Variants in PDZRN3 observed in about 807,000 individuals in gnomAD.
The protein encoded by PDZRN3 is E3 ubiquitin-protein ligase PDZRN3.
A neutral mutation model predicts 85.7 loss-of-function variants in PDZRN3; 38 were observed. The observed-to-expected ratio is 0.44, with a 90% CI of 0.34 to 0.58. The LOEUF is 0.58. PDZRN3 is among the 20% of genes least tolerant of loss of function. The pLI, the probability that PDZRN3 is intolerant of heterozygous loss-of-function variation, is 0.01. For synonymous variants in PDZRN3, 759 were observed against 638.0 expected (o/e 1.19, Z -2.86); for missense variants, 1,629 against 1,506.4 (o/e 1.08, Z -1.35).
intron 3 of PDZRN3, among the ~76,000 whole-genome samples, chr3:73,483,498 T>C (rs1265753981): frequency 1.3e-5 from 2 of 152,240 alleles, no homozygotes; most frequent in Non-Finnish European, 2.9e-5. Context: ...GATGCTATCA[T>C]GATGCTCTTT....
intron 3 of PDZRN3, chr3:73,474,313 T>G (rs1321098485): frequency 3.2e-6 from 1 of 316,296 alleles, no homozygotes; most frequent in East Asian, 8.8e-5. Context: ...GCCCTTCTCC[T>G]TGCTTTGATC....
chr3:73,548,724 T>C (rs1701485777), intron 3 of PDZRN3, among the ~76,000 whole-genome samples: 1 of 152,232 alleles, frequency 6.6e-6, no homozygotes, highest in Non-Finnish European at 1.5e-5. Context: ...ACACCTGTTT[T>C]AGTTAAAAAT....
At chr3:73,603,538 T>C (rs977935195) in intron 2 of PDZRN3, among the ~76,000 whole-genome samples, 2 of 152,216 alleles carry the variant, frequency 1.3e-5, no homozygotes, top group African/African-American at 4.8e-5. Flanking sequence ...CAAAATCATT[T>C]GAAATGTAAG....
chr3:73,513,235 T>C (rs1704199691), intron 3 of PDZRN3, among the ~76,000 whole-genome samples: 1 of 152,240 alleles, frequency 6.6e-6, no homozygotes, highest in Non-Finnish European at 1.5e-5. Context: ...AGTGAGCTGC[T>C]GTTCATAGTC....
intron 3 of PDZRN3, among the ~76,000 whole-genome samples, chr3:73,567,604 T>G (rs974539535): frequency 3.3e-5 from 5 of 152,218 alleles, no homozygotes; most frequent in Non-Finnish European, 7.3e-5. Flanking sequence ...CTTATTTATC[T>G]GCCAGACATG....
At chr3:73,595,909 A>G (rs770259779) in intron 3 of PDZRN3, among the ~76,000 whole-genome samples, 17 of 152,194 alleles carry the variant, frequency 1.1e-4, no homozygotes, top group Non-Finnish European at 2.4e-4. Context: ...TTCTAGCTCT[A>G]TCTGCTGAAG....
At chr3:73,477,789 T>C (rs1315826655) in intron 3 of PDZRN3, among the ~76,000 whole-genome samples, 1 of 152,144 alleles carries the variant, frequency 6.6e-6, no homozygotes, top group Admixed American at 6.5e-5. Flanking sequence ...AAAGGAGGTT[T>C]AATGGGCTCA....
intron 3 of PDZRN3, among the ~76,000 whole-genome samples, chr3:73,552,834 A>G (rs970783484): frequency 2.0e-5 from 3 of 152,224 alleles, no homozygotes; most frequent in Non-Finnish European, 2.9e-5. Context: ...AAATATTTCT[A>G]TTAGAGTATA....
chr3:73,451,882 CAG>C (rs1328149316), intron 3 of PDZRN3, among the ~76,000 whole-genome samples: 1 of 151,940 alleles, frequency 6.6e-6, no homozygotes, highest in Non-Finnish European at 1.5e-5. Context: ...GCCTTATAAA[CAG>C]AGATTTAAAG....
rs527625439 is a variant in PDZRN3, at chr3:73,441,134, G to A, written c.919-36739C>T. On this transcript the variant is annotated intron_variant, in intron 3 of 9. Coordinates refer to ENST00000263666, the MANE Select transcript of PDZRN3 (RefSeq NM_015009.3). ...CAACCATTTAAAAATGTAAAATACG[G>A]CTGGGAGCGGTGGCTCACGCCTGTA... Among the ~76,000 whole-genome samples the A allele has an allele frequency of 3.3e-5, 5 of 152,210 alleles. No homozygotes were observed. In the South Asian group the frequency reaches 1.0e-3, roughly 32 times the overall value.
At chr3:73,479,866 T>C (rs1703528266) in intron 3 of PDZRN3, among the ~76,000 whole-genome samples, 1 of 151,816 alleles carries the variant, frequency 6.6e-6, no homozygotes, top group Non-Finnish European at 1.5e-5. Flanking sequence ...AAACTAAACA[T>C]GTATGAGTTG....
chr3:73,403,139 G>C (rs1208540274), intron 4 of PDZRN3, among the ~76,000 whole-genome samples: 1 of 152,086 alleles, frequency 6.6e-6, no homozygotes, highest in African/African-American at 2.4e-5. Flanking sequence ...GTAGAGACGG[G>C]GTTTCACCGT....
intron 3 of PDZRN3, among the ~76,000 whole-genome samples, chr3:73,526,030 A>G (rs200858252): frequency 2.6e-5 from 4 of 152,156 alleles, no homozygotes; most frequent in African/African-American, 9.7e-5. Context: ...TCGGCTCCCA[A>G]TCTCAGCTCT....
intron 3 of PDZRN3, among the ~76,000 whole-genome samples, chr3:73,459,608 G>T (rs1310621811): frequency 6.6e-6 from 1 of 152,132 alleles, no homozygotes; most frequent in Non-Finnish European, 1.5e-5. Flanking sequence ...TGTGGTATTT[G>T]GTTTTTTTGT....
intron 7 of PDZRN3, among the ~76,000 whole-genome samples, chr3:73,389,185 G>A (rs1388556856): frequency 6.6e-6 from 1 of 151,940 alleles, no homozygotes; most frequent in Non-Finnish European, 1.5e-5. Context: ...TAAGCCTTGT[G>A]GACACAATGA....
At chr3:73,440,247 A>AGCCCTGCTGG (rs1274371810) in intron 3 of PDZRN3, among the ~76,000 whole-genome samples, 2 of 152,106 alleles carry the variant, frequency 1.3e-5, no homozygotes, top group Non-Finnish European at 2.9e-5. Flanking sequence ...GCACATGCTG[A>AGCCCTGCTGG]GCCCTGCTGG....
At chr3:73,623,107 C>T (rs894609592) in intron 1 of PDZRN3, among the ~76,000 whole-genome samples, 12 of 152,126 alleles carry the variant, frequency 7.9e-5, no homozygotes, top group African/African-American at 2.4e-4. Context: ...CAAAGTAAAC[C>T]CTCGCTCAAG....
At chr3:73,522,867 G>A (rs766442393) in intron 3 of PDZRN3, among the ~76,000 whole-genome samples, 9 of 152,118 alleles carry the variant, frequency 5.9e-5, no homozygotes, top group Non-Finnish European at 1.0e-4. Context: ...TGACAAAATT[G>A]GAATTACTAC....
chr3:73,557,958 A>C (rs1348501111), intron 3 of PDZRN3, among the ~76,000 whole-genome samples: 3 of 152,100 alleles, frequency 2.0e-5, no homozygotes, highest in Non-Finnish European at 4.4e-5. Flanking sequence ...ACACACCAAA[A>C]TCTTAAGTGA....
Sources: gnomAD v4.1 joint callset for allele counts (sites outside exome capture counted in the v4.1 genomes callset) on GRCh38, gnomAD v4.1.1 for gene constraint, MANE v1.5 for transcripts, NCBI Gene and HGNC (gene_info 2026-07-23, HGNC 2026-07-21) for gene names.